CAMK1G: variants seen among roughly 807,000 people sequenced by gnomAD.
CAMK1G encodes the protein calcium/calmodulin dependent protein kinase IG.
Under a neutral mutation model 54.8 loss-of-function variants are expected in CAMK1G, and 27 were observed. That is an observed-to-expected ratio of 0.49 (90% CI 0.36 to 0.68). CAMK1G has a LOEUF of 0.68. Ranked by LOEUF, CAMK1G falls within the 30% of genes least tolerant of loss-of-function variation. The pLI is 0.00. For missense variants in CAMK1G, 512 were observed against 591.0 expected, an observed-to-expected ratio of 0.87 and a Z score of 1.39; for synonymous variants, 238 against 224.9, an observed-to-expected ratio of 1.06 and a Z score of -0.52.
In CAMK1G at chr1:209,609,853, A is replaced by G; in HGVS notation, c.751A>G (p.Lys251Glu). Reference protein sequence around the residue: ...PFWDDISESAKDFICHLLEKD... With the variant: ...PFWDDISESAEDFICHLLEKD... ...GTGTCTTTGATTACTCCCCTTAGCC[A>G]AGGACTTTATTTGCCACTTGCTTGA... is the stretch of plus-strand genomic sequence containing the variant. Residue 251 changes from lysine to glutamate, a missense_variant and splice_region_variant, in exon 9 of 13, where the codon AAG becomes GAG. Around this residue, in one of 3 missense-constraint regions of CAMK1G, gnomAD observed 315 missense variants for 330.5 expected, o/e 0.95. Transcript: ENST00000361322. The G allele has an allele frequency of 6.2e-7, 1 of 1,614,066 alleles. No homozygotes were observed. Among genetic ancestry groups the G allele is most frequent in the Non-Finnish European group, 8.5e-7 (1 of 1,179,982 alleles).
chr1:209,587,475 T>G (rs1407825027), intron 1 of CAMK1G, among the ~76,000 whole-genome samples: 1 of 152,084 alleles, frequency 6.6e-6, no homozygotes, highest in Non-Finnish European at 1.5e-5. Flanking sequence ...CATGTGTCTT[T>G]AATGGTCCTC....
At chr1:209,598,584 T>A (rs1665445155) in intron 2 of CAMK1G, among the ~76,000 whole-genome samples, 1 of 152,198 alleles carries the variant, frequency 6.6e-6, no homozygotes. Flanking sequence ...AACACCTGCC[T>A]AGCCCCTGAA....
intron 5 of CAMK1G, among the ~76,000 whole-genome samples, chr1:209,605,912 C>T (rs1458968424): frequency 6.6e-6 from 1 of 152,136 alleles, no homozygotes; most frequent in Non-Finnish European, 1.5e-5. Context: ...CAAAATAATA[C>T]ACACATTTCT....
chr1:209,587,282 G>A (rs116239870), intron 1 of CAMK1G, among the ~76,000 whole-genome samples: 1 of 152,130 alleles, frequency 6.6e-6, no homozygotes, highest in Non-Finnish European at 1.5e-5. Flanking sequence ...GATGGCAGAG[G>A]GCTGCTCGAA....
chr1:209,602,193 G>T (rs763012773), intron 3 of CAMK1G, among the ~76,000 whole-genome samples: 1 of 152,074 alleles, frequency 6.6e-6, no homozygotes, highest in African/African-American at 2.4e-5. Context: ...TGGTGCTGGG[G>T]GCTGTACTGT....
rs1558140446 is a variant in CAMK1G, at chr1:209,606,376, C to G, written c.492C>G (p.Asp164Glu). Residue 164 changes from aspartate to glutamate, a missense_variant, in exon 6 of 13, where the codon GAC (aspartate) becomes GAG (glutamate). By Grantham distance (45) the Asp-to-Glu change is conservative (BLOSUM62 2). Coordinates refer to ENST00000361322, the MANE Select transcript of CAMK1G (RefSeq NM_020439.3). ...AGAACTCTAAGATCATGATCACTGACTTTGGTCTGTCCAAGATGGAACAGA... is the reference window on the plus strand; with the variant it reads ...AGAACTCTAAGATCATGATCACTGAGTTTGGTCTGTCCAAGATGGAACAGA... ...PEENSKIMITDFGLSKMEQNG... is the reference protein window; with the variant it reads ...PEENSKIMITEFGLSKMEQNG... 6.2e-7 allele frequency: 1 copy of G among 1,614,040 alleles called. No individual in the cohort carries two copies. The highest frequency in any genetic ancestry group is 8.5e-7 in the Non-Finnish European group (1 of 1,179,998).
Position 209,613,024 on chromosome 1 carries a change from C to T in CAMK1G, c.*38-16C>T, listed in dbSNP as rs1665821636. 1.6e-6 allele frequency: 1 copy of T among 606,668 alleles called. No homozygotes were observed. Among genetic ancestry groups the T allele is most frequent in the South Asian group, 1.9e-5 (1 of 53,436 alleles). The allele number at this position is 606,668 out of a possible 1,614,324, so 37.6% of individuals were successfully genotyped here. On this transcript the variant is annotated splice_polypyrimidine_tract_variant and intron_variant, in intron 12 of 12. Coordinates refer to ENST00000361322, the MANE Select transcript of CAMK1G (RefSeq NM_020439.3). ...GTGGCAACCCCCTCCTCACTCTGAGCCCCTTTCTCTTGCAGGAGACATATT... is the reference window on the plus strand; with the variant it reads ...GTGGCAACCCCCTCCTCACTCTGAGTCCCTTTCTCTTGCAGGAGACATATT...
chr1:209,602,025 T>C (rs1407338882), intron 3 of CAMK1G, among the ~76,000 whole-genome samples: 1 of 152,150 alleles, frequency 6.6e-6, no homozygotes, highest in Admixed American at 6.5e-5. Context: ...TTTCCTCCTT[T>C]ACAGGCAGGC....
At chr1:209,598,410 C>T (rs892534739) in intron 2 of CAMK1G, among the ~76,000 whole-genome samples, 6 of 152,236 alleles carry the variant, frequency 3.9e-5, no homozygotes, top group Admixed American at 3.3e-4. Context: ...TCTGCTACCT[C>T]CAGCTGCCAC....
At position 209,612,125 on chromosome 1, in the gene CAMK1G, G is replaced by A; in HGVS notation, c.1249G>A (p.Gly417Ser). 2 of 1,614,130 alleles carry A rather than the reference G, an allele frequency of 1.2e-6. No homozygotes were observed. Among genetic ancestry groups the A allele is most frequent in the Non-Finnish European group, 1.7e-6 (2 of 1,179,944 alleles). ...HQGSLAAGPC[G>S]CCSSCLNIGS... Reference sequence around the variant, plus strand: ...GGGGTCCCTGGCCGCCGGGCCCTGTGGCTGCTGCTCCAGCTGCCTGAACAT... The same window carrying A: ...GGGGTCCCTGGCCGCCGGGCCCTGTAGCTGCTGCTCCAGCTGCCTGAACAT... The change falls in exon 11 of 13, where the codon GGC (glycine) becomes AGC (serine). Residue 417 changes from glycine (G) to serine (S), a missense_variant. By Grantham distance (56) the Gly-to-Ser change is moderately conservative. This residue lies in a region of CAMK1G where 315 missense variants were observed against 330.5 expected (regional missense o/e 0.95). Transcript: ENST00000361322.
At chr1:209,594,441 C>T (rs1396271019) in intron 1 of CAMK1G, among the ~76,000 whole-genome samples, 1 of 152,246 alleles carries the variant, frequency 6.6e-6, no homozygotes, top group East Asian at 1.9e-4. Context: ...TCGTGAATAA[C>T]TATTTGCCCA....
chr1:209,601,405 G>A (rs932205640), intron 3 of CAMK1G, among the ~76,000 whole-genome samples: 1 of 152,198 alleles, frequency 6.6e-6, no homozygotes, highest in African/African-American at 2.4e-5. Context: ...TAATTGCTAG[G>A]GGTGGAGAAC....
At chr1:209,592,651 C>T (rs1665286151) in intron 1 of CAMK1G, among the ~76,000 whole-genome samples, 1 of 152,174 alleles carries the variant, frequency 6.6e-6, no homozygotes, top group African/African-American at 2.4e-5. Flanking sequence ...AATTCCTGAC[C>T]AGATGCTCTA....
intron 1 of CAMK1G, among the ~76,000 whole-genome samples, chr1:209,586,994 T>C (rs75690742): frequency 0.01 from 1,561 of 152,174 alleles, 28 homozygotes; most frequent in African/African-American, 0.036. Context: ...CAGGCAACAA[T>C]TGAAAAACCT....
intron 3 of CAMK1G, 70 bp from the exon 4 acceptor site, chr1:209,603,144 G>A: frequency 6.6e-7 from 1 of 1,507,492 alleles, no homozygotes; most frequent in Non-Finnish European, 9.2e-7. Context: ...AAACTTTTGG[G>A]CTAGGTCTGC....
chr1:209,604,280 A>G (rs942679433), intron 4 of CAMK1G, among the ~76,000 whole-genome samples: 5 of 152,222 alleles, frequency 3.3e-5, no homozygotes, highest in Non-Finnish European at 5.9e-5. Context: ...ACAAGTGATC[A>G]GGGACCATCA....
chr1:209,585,172 A>G (rs971182468), intron 1 of CAMK1G, among the ~76,000 whole-genome samples: 2 of 152,156 alleles, frequency 1.3e-5, no homozygotes, highest in African/African-American at 2.4e-5. Context: ...ACTCTTCAGA[A>G]AGTACTCTTT....
At position 209,612,220 on chromosome 1, in the gene CAMK1G, C is replaced by A. The variant is rs200976229; in HGVS notation, c.1340+4C>A. 23 of 1,610,388 alleles carry A rather than the reference C, an allele frequency of 1.4e-5. No homozygotes were observed. The highest frequency in any genetic ancestry group is 1.8e-5 in the Non-Finnish European group (21 of 1,177,202). Reference sequence around the variant, plus strand: ...TCAAAAAGGCCAACAAAAAACAGTACGTATTTTTAGCCAAAGATGGAGCCC... The same window carrying A: ...TCAAAAAGGCCAACAAAAAACAGTAAGTATTTTTAGCCAAAGATGGAGCCC... On this transcript the variant is annotated splice_donor_region_variant and intron_variant, in intron 11 of 12. Transcript: ENST00000361322.
chr1:209,597,021 AT>A (rs1665406916), intron 2 of CAMK1G, among the ~76,000 whole-genome samples: 1 of 152,176 alleles, frequency 6.6e-6, no homozygotes, highest in Non-Finnish European at 1.5e-5. Context: ...GACAGGAGGC[AT>A]GTCACAGCTG....
Sources: gnomAD v4.1 joint callset for allele counts (sites outside exome capture counted in the v4.1 genomes callset) on GRCh38, gnomAD v4.1.1 for gene constraint, gnomAD v4.1.1 regional missense constraint, MANE v1.5 for transcripts, NCBI Gene and HGNC (gene_info 2026-07-23, HGNC 2026-07-21) for gene names.